Variants in XNDC1N observed in about 807,000 individuals in gnomAD.
XNDC1N encodes the protein XRCC1 N-terminal domain containing 1, N-terminal like.
the XNDC1N span, among the ~76,000 whole-genome samples, chr11:71,889,145 A>G: frequency 6.6e-6 from 1 of 152,230 alleles, no homozygotes; most frequent in Non-Finnish European, 1.5e-5. Flanking sequence ...GAACTCAGTG[A>G]GGGTGAGACT....
chr11:71,918,582 G>A, the XNDC1N span, among the ~76,000 whole-genome samples: 13 of 152,094 alleles, frequency 8.5e-5, no homozygotes, highest in African/African-American at 2.9e-4. Context: ...GTGCCTGGCC[G>A]GGATTTATAA....
chr11:71,885,191 T>C, the XNDC1N span, among the ~76,000 whole-genome samples: 1 of 152,104 alleles, frequency 6.6e-6, no homozygotes, highest in Non-Finnish European at 1.5e-5. Flanking sequence ...AAAGGGGTGT[T>C]TCTACTCCCT....
the XNDC1N span, chr11:71,903,627 TTTG>T: frequency 5.3e-6 from 3 of 563,318 alleles, no homozygotes; most frequent in East Asian, 9.7e-5. Flanking sequence ...GCTTCCTAGA[TTTG>T]TTGTCCTTGT....
chr11:71,890,348 C>A, the XNDC1N span, among the ~76,000 whole-genome samples: 1 of 152,288 alleles, frequency 6.6e-6, no homozygotes, highest in East Asian at 1.9e-4. Flanking sequence ...CATCCTGCGC[C>A]TCCCTGGATA....
At chr11:71,893,150 T>C in the XNDC1N span, among the ~76,000 whole-genome samples, 2 of 152,266 alleles carry the variant, frequency 1.3e-5, no homozygotes, top group Admixed American at 1.3e-4. Flanking sequence ...TGTCATTGCA[T>C]TGTATTTTTT....
chr11:71,904,150 C>A, the XNDC1N span: 4 of 458,444 alleles, frequency 8.7e-6, no homozygotes, highest in Non-Finnish European at 4.4e-6. Flanking sequence ...CTGTTCCATT[C>A]CTTTTGTAGG....
At chr11:71,909,953 G>A in the XNDC1N span, among the ~76,000 whole-genome samples, 1 of 152,100 alleles carries the variant, frequency 6.6e-6, no homozygotes, top group Non-Finnish European at 1.5e-5. Flanking sequence ...ACTGAGCCGG[G>A]CCAAGAGAGA....
chr11:71,878,336 G>T, the XNDC1N span: 5 of 1,033,336 alleles, frequency 4.8e-6, no homozygotes, highest in East Asian at 9.6e-5. Context: ...AAATGTTATT[G>T]CTCCTGAAAG....
chr11:71,881,359 G>T, the XNDC1N span, among the ~76,000 whole-genome samples: 3 of 152,094 alleles, frequency 2.0e-5, no homozygotes, highest in Non-Finnish European at 2.9e-5. Context: ...TTGCTATAGG[G>T]TTATCATAAT....
the XNDC1N span, chr11:71,918,918 C>T: frequency 1.4e-6 from 1 of 702,858 alleles, no homozygotes; most frequent in Non-Finnish European, 2.6e-6. Context: ...ACTGCCCTCT[C>T]CAGCTGTAGT....
At chr11:71,869,200 G>A in the XNDC1N span, among the ~76,000 whole-genome samples, 472 of 151,172 alleles carry the variant, frequency 3.1e-3, 5 homozygotes, top group African/African-American at 0.011. Flanking sequence ...ATCCCTCCCC[G>A]CTCCCACTAC....
chr11:71,915,912 G>A, the XNDC1N span, among the ~76,000 whole-genome samples: 1 of 152,078 alleles, frequency 6.6e-6, no homozygotes. Context: ...AGGAGTTCAC[G>A]CCTACCTGTA....
chr11:71,896,512 CATT>C, the XNDC1N span, among the ~76,000 whole-genome samples: 1 of 152,214 alleles, frequency 6.6e-6, no homozygotes, highest in Non-Finnish European at 1.5e-5. Flanking sequence ...CTAACTTTCT[CATT>C]ATGCTGGTTT....
chr11:71,901,900 C>T, the XNDC1N span, among the ~76,000 whole-genome samples: 19 of 150,698 alleles, frequency 1.3e-4, no homozygotes, highest in African/African-American at 4.0e-4. Context: ...AGATATATTC[C>T]TTAAGATTTT....
At chr11:71,890,263 A>G in the XNDC1N span, among the ~76,000 whole-genome samples, 6 of 152,326 alleles carry the variant, frequency 3.9e-5, no homozygotes, top group African/African-American at 1.4e-4. Context: ...GAGTAATATC[A>G]TCCTCTCCCT....
At chr11:71,868,830 G>A in the XNDC1N span, among the ~76,000 whole-genome samples, 1 of 152,160 alleles carries the variant, frequency 6.6e-6, no homozygotes, top group South Asian at 2.1e-4. Flanking sequence ...CCTCTCTAGT[G>A]AGGTTGGGGA....
chr11:71,865,526 CTTTTTATTT>C, the XNDC1N span: 1 of 156,282 alleles, frequency 6.4e-6, no homozygotes, highest in African/African-American at 2.4e-5. Context: ...AATCTAATTT[CTTTTTATTT>C]TTAAGTGAGA....
chr11:71,874,716 T>C, the XNDC1N span, among the ~76,000 whole-genome samples: 3 of 152,164 alleles, frequency 2.0e-5, no homozygotes, highest in African/African-American at 7.2e-5. Context: ...GAAGAGAATC[T>C]ATCTATAGAC....
the XNDC1N span, among the ~76,000 whole-genome samples, chr11:71,874,940 A>G: frequency 1.2e-4 from 19 of 152,136 alleles, no homozygotes; most frequent in African/African-American, 3.9e-4. Flanking sequence ...AATTAACAAC[A>G]TATTGAACTA....
Sources: allele counts gnomAD v4.1 joint callset (sites outside exome capture counted in the v4.1 genomes callset), GRCh38; gene constraint gnomAD v4.1.1; transcripts MANE v1.5; gene names NCBI Gene and HGNC (gene_info 2026-07-23, HGNC 2026-07-21).